Variants in NME7 observed in about 807,000 individuals in gnomAD.
NME7 encodes nucleoside diphosphate kinase 7.
A neutral mutation model predicts 49.1 loss-of-function variants in NME7; 41 were observed. That is an observed-to-expected ratio of 0.83 (90% confidence interval 0.65 to 1.08). The LOEUF is 1.08. Among genes scored for constraint, NME7 ranks in the 50% least tolerant of loss-of-function variants. The pLI is 0.00. For missense variants in NME7, 423 were observed against 463.4 expected (o/e 0.91, Z 0.80); for synonymous variants, 139 against 150.6 (o/e 0.92, Z 0.56).
At chr1:169,186,652 T>G (rs1660075544) in intron 10 of NME7, among the ~76,000 whole-genome samples, 2 of 152,002 alleles carry the variant, frequency 1.3e-5, no homozygotes, top group Admixed American at 1.3e-4. Flanking sequence ...TGAATCTTCT[T>G]TTTTTCTTTA....
intron 4 of NME7, among the ~76,000 whole-genome samples, chr1:169,303,774 T>A (rs1651068064): frequency 6.6e-6 from 1 of 152,130 alleles, no homozygotes; most frequent in South Asian, 2.1e-4. Context: ...TTACACAGCA[T>A]CCTGAACGTT....
At chr1:169,291,532 T>C (rs1650502849) in intron 6 of NME7, among the ~76,000 whole-genome samples, 1 of 151,884 alleles carries the variant, frequency 6.6e-6, no homozygotes, top group African/African-American at 2.4e-5. Flanking sequence ...AGGATAGCAT[T>C]GGGAGAAATA....
chr1:169,206,408 G>A (rs1235302987), intron 10 of NME7, among the ~76,000 whole-genome samples: 1 of 152,142 alleles, frequency 6.6e-6, no homozygotes, highest in Non-Finnish European at 1.5e-5. Flanking sequence ...ATACCTCAGA[G>A]GCCTGGAACA....
At chr1:169,217,254 G>T (rs1314789375) in intron 10 of NME7, among the ~76,000 whole-genome samples, 1 of 152,174 alleles carries the variant, frequency 6.6e-6, no homozygotes. Flanking sequence ...AGCAATGTCT[G>T]TTGAAATGGT....
At chr1:169,219,096 T>C (rs1277879895) in intron 10 of NME7, among the ~76,000 whole-genome samples, 1 of 152,142 alleles carries the variant, frequency 6.6e-6, no homozygotes, top group Non-Finnish European at 1.5e-5. Flanking sequence ...CTTTAAATTA[T>C]AGCTCCAGGC....
At chr1:169,175,003 T>C (rs1196861990) in intron 10 of NME7, among the ~76,000 whole-genome samples, 1 of 151,840 alleles carries the variant, frequency 6.6e-6, no homozygotes, top group Non-Finnish European at 1.5e-5. Flanking sequence ...CTTCTAAGTA[T>C]TTTTTAACTT....
intron 7 of NME7, among the ~76,000 whole-genome samples, chr1:169,267,328 A>T (rs879479885): frequency 7.5e-6 from 1 of 133,856 alleles, no homozygotes; most frequent in Admixed American, 7.4e-5. Context: ...AATATCATTA[A>T]AATGGTCATA....
chr1:169,168,365 G>A (rs1466466768), intron 11 of NME7, among the ~76,000 whole-genome samples: 1 of 152,176 alleles, frequency 6.6e-6, no homozygotes, highest in Non-Finnish European at 1.5e-5. Context: ...TACTGAGGTT[G>A]CTGCAGACCC....
chr1:169,291,251 G>A (rs1650489195), intron 6 of NME7, among the ~76,000 whole-genome samples: 1 of 152,092 alleles, frequency 6.6e-6, no homozygotes, highest in South Asian at 2.1e-4. Flanking sequence ...CAAAGACTTG[G>A]AACCAACCCA....
chr1:169,154,581 G>A (rs760591312), intron 11 of NME7, among the ~76,000 whole-genome samples: 5 of 152,030 alleles, frequency 3.3e-5, no homozygotes, highest in Non-Finnish European at 7.4e-5. Context: ...GCCAAGGTGA[G>A]CAGATCAGGA....
At chr1:169,177,470 T>C (rs1659785496) in intron 10 of NME7, among the ~76,000 whole-genome samples, 2 of 152,152 alleles carry the variant, frequency 1.3e-5, no homozygotes, top group Non-Finnish European at 2.9e-5. Context: ...GAAGAATCTC[T>C]GATGCTTTCA....
chr1:169,331,028 T>C (rs1652237447), intron 1 of NME7, among the ~76,000 whole-genome samples: 1 of 151,932 alleles, frequency 6.6e-6, no homozygotes, highest in Non-Finnish European at 1.5e-5. Context: ...AAACTACAGG[T>C]CAATATCTCT....
At chr1:169,312,340 C>CA (rs1651426592) in intron 3 of NME7, among the ~76,000 whole-genome samples, 1 of 152,054 alleles carries the variant, frequency 6.6e-6, no homozygotes, top group Admixed American at 6.5e-5. Context: ...TATCTTTGGC[C>CA]AATGCAAGTC....
At chr1:169,331,272 T>C (rs542060957) in intron 1 of NME7, among the ~76,000 whole-genome samples, 2 of 152,322 alleles carry the variant, frequency 1.3e-5, no homozygotes, top group African/African-American at 2.4e-5. Flanking sequence ...CATACCTTCA[T>C]GATGAAAACT....
chr1:169,217,679 G>C (rs889646255), intron 10 of NME7, among the ~76,000 whole-genome samples: 1 of 152,010 alleles, frequency 6.6e-6, no homozygotes, highest in Non-Finnish European at 1.5e-5. Flanking sequence ...AGGATAAAAA[G>C]TCATATAAGA....
At chr1:169,148,474 C>A (rs574990045) in intron 11 of NME7, among the ~76,000 whole-genome samples, 2 of 130,006 alleles carry the variant, frequency 1.5e-5, no homozygotes, top group Non-Finnish European at 3.4e-5. Flanking sequence ...CAATTTTCAC[C>A]CTAAAGCCAA....
intron 11 of NME7, among the ~76,000 whole-genome samples, chr1:169,148,245 G>A (rs1016403195): frequency 1.3e-5 from 2 of 152,066 alleles, no homozygotes; most frequent in Non-Finnish European, 2.9e-5. Context: ...TCAAGTGATT[G>A]ACCTGCCTTG....
chr1:169,322,925 T>A (rs939753746), intron 3 of NME7, among the ~76,000 whole-genome samples, 192 bp downstream of exon 3: 1 of 152,120 alleles, frequency 6.6e-6, no homozygotes, highest in African/African-American at 2.4e-5. Context: ...AAACATGAAT[T>A]AAGTCAGATG....
At chr1:169,240,961 G>A (rs1379620794) in intron 7 of NME7, among the ~76,000 whole-genome samples, 9 of 151,980 alleles carry the variant, frequency 5.9e-5, no homozygotes, top group East Asian at 3.9e-4. Context: ...GAAAGACAAC[G>A]CCTGCCAAAT....
Sources: gnomAD v4.1 joint callset for allele counts (sites outside exome capture counted in the v4.1 genomes callset) on GRCh38, gnomAD v4.1.1 for gene constraint, MANE v1.5 for transcripts, NCBI Gene and HGNC (gene_info 2026-07-23, HGNC 2026-07-21) for gene names.